TRPM3: variants seen among roughly 807,000 people sequenced by gnomAD.
TRPM3 encodes transient receptor potential cation channel subfamily M member 3.
TRPM3 carries 77 observed loss-of-function variants against 181.2 expected under a neutral mutation model. The observed-to-expected ratio is 0.42, with a 90% CI of 0.35 to 0.51. The LOEUF is 0.51. Among genes scored for constraint, TRPM3 ranks in the 20% least tolerant of loss-of-function variants. TRPM3 has a pLI of 0.01. For synonymous variants in TRPM3, 745 were observed against 796.4 expected, an observed-to-expected ratio of 0.94 and a Z score of 1.09; for missense variants, 1,759 against 2,196.7, an observed-to-expected ratio of 0.80 and a Z score of 3.98.
At chr9:70,947,468 T>C (rs774413865) in intron 1 of TRPM3, among the ~76,000 whole-genome samples, 9 of 152,136 alleles carry the variant, frequency 5.9e-5, no homozygotes, top group Non-Finnish European at 1.3e-4. Flanking sequence ...ACTATTTTTA[T>C]TTTGTATTCA....
At chr9:71,379,237 C>T (rs1416950417) in intron 1 of TRPM3, among the ~76,000 whole-genome samples, 1 of 152,068 alleles carries the variant, frequency 6.6e-6, no homozygotes, top group Non-Finnish European at 1.5e-5. Context: ...TGGATCTACA[C>T]TGTCCAAGTA....
intron 6 of TRPM3, among the ~76,000 whole-genome samples, chr9:70,785,714 C>A (rs2083454293): frequency 6.6e-6 from 1 of 152,152 alleles, no homozygotes. Flanking sequence ...ACCTGTTTTA[C>A]TTCTAAAGCA....
At chr9:70,553,435 G>T in intron 22 of TRPM3, 125 bp from the exon 23 acceptor site, 1 of 1,256,858 alleles carries the variant, frequency 8.0e-7, no homozygotes, top group Non-Finnish European at 1.1e-6. Flanking sequence ...ACAGAAAAAA[G>T]TTCCAAACAA....
At chr9:71,289,126 A>T (rs1219153301) in intron 1 of TRPM3, among the ~76,000 whole-genome samples, 1 of 151,900 alleles carries the variant, frequency 6.6e-6, no homozygotes, top group African/African-American at 2.4e-5. Flanking sequence ...TTTAACACTT[A>T]AAAAGGCATC....
chr9:70,869,662 A>G (rs2095745923), intron 1 of TRPM3, among the ~76,000 whole-genome samples: 5 of 152,024 alleles, frequency 3.3e-5, no homozygotes, highest in Admixed American at 3.3e-4. Flanking sequence ...GTCAATAATA[A>G]AACTTCTCCG....
chr9:71,087,175 C>T (rs184911750), intron 1 of TRPM3, among the ~76,000 whole-genome samples: 322 of 152,128 alleles, frequency 2.1e-3, no homozygotes, highest in African/African-American at 7.3e-3. Flanking sequence ...TCTTACTTTT[C>T]AGCCTTATCT....
intron 1 of TRPM3, among the ~76,000 whole-genome samples, chr9:71,263,383 T>C (rs944914558): frequency 6.6e-6 from 1 of 152,218 alleles, no homozygotes; most frequent in African/African-American, 2.4e-5. Flanking sequence ...TTTATTTTGC[T>C]TAAAATTTAC....
chr9:70,905,438 G>T (rs895300320), intron 1 of TRPM3, among the ~76,000 whole-genome samples: 1 of 152,040 alleles, frequency 6.6e-6, no homozygotes, highest in Non-Finnish European at 1.5e-5. Flanking sequence ...GATACCAAAG[G>T]TCCTATGTTA....
intron 25 of TRPM3, among the ~76,000 whole-genome samples, chr9:70,541,058 A>G (rs2043200240): frequency 6.6e-6 from 1 of 152,202 alleles, no homozygotes; most frequent in South Asian, 2.1e-4. Context: ...GGTTGCCTGG[A>G]CGTAGGCAGT....
chr9:70,584,009 C>A (rs1339875490), intron 22 of TRPM3, among the ~76,000 whole-genome samples: 1 of 152,130 alleles, frequency 6.6e-6, no homozygotes, highest in Non-Finnish European at 1.5e-5. Flanking sequence ...CTTCCAGAAC[C>A]CAATTATCAC....
chr9:70,962,331 A>G lies in TRPM3; in HGVS notation c.178-97820T>C, dbSNP rs575639688. Among the ~76,000 whole-genome samples, 84 of 152,234 alleles carry G rather than the reference A, an allele frequency of 5.5e-4. No individual in the cohort carries two copies. In the South Asian group the frequency reaches 0.017, roughly 30 times the overall value. On this transcript the variant is annotated intron_variant, in intron 1 of 25. Transcript: ENST00000677713. ...ATGATAATCTTCCCTAAAGGATCAT[A>G]GTAAAATATTATAGGATCTGCCTGT...
chr9:70,766,077 G>C (rs2135368508), intron 7 of TRPM3, among the ~76,000 whole-genome samples: 1 of 152,226 alleles, frequency 6.6e-6, no homozygotes, highest in African/African-American at 2.4e-5. Flanking sequence ...GTGATAGGAG[G>C]TGTAGTCATT....
intron 6 of TRPM3, among the ~76,000 whole-genome samples, chr9:70,785,645 T>C (rs886220399): frequency 2.0e-5 from 3 of 152,224 alleles, no homozygotes; most frequent in African/African-American, 7.2e-5. Context: ...TTCCCCGTAA[T>C]GAGTAATAGT....
chr9:71,043,773 G>A (rs2059101498), intron 1 of TRPM3, among the ~76,000 whole-genome samples: 1 of 152,166 alleles, frequency 6.6e-6, no homozygotes, highest in South Asian at 2.1e-4. Flanking sequence ...GGACTGACAA[G>A]CGAATCTATG....
chr9:71,438,987 T>A (rs781572877), intron 1 of TRPM3, among the ~76,000 whole-genome samples: 1 of 152,164 alleles, frequency 6.6e-6, no homozygotes, highest in Non-Finnish European at 1.5e-5. Flanking sequence ...TTTCAATACA[T>A]AAAGAATCCA....
chr9:70,669,414 C>T (rs2062480566), intron 9 of TRPM3, among the ~76,000 whole-genome samples: 1 of 152,184 alleles, frequency 6.6e-6, no homozygotes, highest in African/African-American at 2.4e-5. Flanking sequence ...AGCTTTTCTC[C>T]TGGTTATGAC....
chr9:70,609,618 C>T (rs2061715999), intron 19 of TRPM3, among the ~76,000 whole-genome samples: 1 of 152,138 alleles, frequency 6.6e-6, no homozygotes, highest in Non-Finnish European at 1.5e-5. Flanking sequence ...TGGGGACAGC[C>T]CCCCACAATG....
At chr9:70,582,749 C>T (rs1564427696) in intron 22 of TRPM3, among the ~76,000 whole-genome samples, 2 of 152,148 alleles carry the variant, frequency 1.3e-5, no homozygotes, top group South Asian at 4.1e-4. Flanking sequence ...AGTACCATCA[C>T]CCATCACAGT....
chr9:70,794,350 G>T (rs2086453829), intron 6 of TRPM3, among the ~76,000 whole-genome samples: 1 of 152,152 alleles, frequency 6.6e-6, no homozygotes, highest in African/African-American at 2.4e-5. Flanking sequence ...AAGACCCAGG[G>T]CAGAGAGAGC....
Sources: gnomAD v4.1 joint callset for allele counts (sites outside exome capture counted in the v4.1 genomes callset) on GRCh38, gnomAD v4.1.1 for gene constraint, MANE v1.5 for transcripts, NCBI Gene and HGNC (gene_info 2026-07-23, HGNC 2026-07-21) for gene names.